The following ADCY9 variants were observed in gnomAD, a reference collection of about 807,000 sequenced individuals.
The protein encoded by ADCY9 is adenylate cyclase type 9.
In ADCY9, 50 loss-of-function variants were observed where a neutral mutation model predicts 101.5. The ratio of observed to expected loss-of-function variants is 0.49; its 90% CI spans 0.39 to 0.62. The LOEUF is 0.62. ADCY9 is among the 20% of genes least tolerant of loss of function. The probability of loss-of-function intolerance (pLI) is 0.00; values close to 1 mark genes in which losing one functional copy is unlikely to be tolerated. For missense variants in ADCY9, 1,662 were observed against 1,800.4 expected (o/e 0.92, Z 1.39); for synonymous variants, 905 against 769.3 (o/e 1.18, Z -2.92).
At chr16:3,970,639 C>T (rs1412106950) in intron 10 of ADCY9, among the ~76,000 whole-genome samples, 1 of 152,176 alleles carries the variant, frequency 6.6e-6, no homozygotes. Context: ...AAAGCTCAGT[C>T]CTTTAATCAA....
chr16:4,091,473 C>A (rs1215181563), intron 2 of ADCY9, among the ~76,000 whole-genome samples: 1 of 152,162 alleles, frequency 6.6e-6, no homozygotes, highest in East Asian at 1.9e-4. Flanking sequence ...CCCCAAAGAA[C>A]TGAGAAAACA....
chr16:4,011,065 C>A (rs2056401095), intron 2 of ADCY9, among the ~76,000 whole-genome samples: 1 of 152,110 alleles, frequency 6.6e-6, no homozygotes, highest in African/African-American at 2.4e-5. Flanking sequence ...TATTGCTTCA[C>A]AAGCAGATGG....
intron 2 of ADCY9, among the ~76,000 whole-genome samples, chr16:4,078,817 A>G (rs1169411327): frequency 6.6e-6 from 1 of 152,210 alleles, no homozygotes; most frequent in Non-Finnish European, 1.5e-5. Flanking sequence ...AGATACTTAC[A>G]TAAATAAAGA....
chr16:3,994,995 G>C (rs1382369019), intron 3 of ADCY9, among the ~76,000 whole-genome samples: 1 of 152,088 alleles, frequency 6.6e-6, no homozygotes, highest in Non-Finnish European at 1.5e-5. Flanking sequence ...TTTAATACAG[G>C]TACCCTAAAA....
chr16:4,028,692 T>C (rs941249234), intron 2 of ADCY9, among the ~76,000 whole-genome samples: 3 of 152,240 alleles, frequency 2.0e-5, no homozygotes, highest in African/African-American at 7.2e-5. Flanking sequence ...TAAAATTGTA[T>C]ACTTTTCACA....
At chr16:4,083,701 G>A (rs1293311060) in intron 2 of ADCY9, among the ~76,000 whole-genome samples, 1 of 152,234 alleles carries the variant, frequency 6.6e-6, no homozygotes, top group Non-Finnish European at 1.5e-5. Flanking sequence ...ACTAATACAT[G>A]CTACACCATG....
Position 4,007,561 on chromosome 16 carries a change from A to G in ADCY9, c.1694-3T>C, listed in dbSNP as rs2141720615. ...CGATATCAGGTATGTCTTCAAACCT[A>G]TGATGGATAAAAGTTACAGTCAGCA... On this transcript the variant is annotated splice_polypyrimidine_tract_variant and splice_region_variant and intron_variant, in intron 2 of 10. Coordinates refer to ENST00000294016, the MANE Select transcript of ADCY9 (RefSeq NM_001116.4). The G allele has an allele frequency of 1.2e-5, 20 of 1,603,154 alleles. No homozygotes were observed. The highest frequency in any genetic ancestry group is 1.7e-5 in the Non-Finnish European group (20 of 1,175,730).
intron 2 of ADCY9, among the ~76,000 whole-genome samples, chr16:4,078,294 G>C (rs1474554945): frequency 1.3e-5 from 2 of 152,150 alleles, no homozygotes; most frequent in African/African-American, 4.8e-5. Context: ...AGGCACAATG[G>C]TTCATGCTTG....
chr16:4,025,608 G>A (rs756542864), intron 2 of ADCY9, among the ~76,000 whole-genome samples: 49 of 152,206 alleles, frequency 3.2e-4, no homozygotes, highest in Non-Finnish European at 5.6e-4. Flanking sequence ...TCTGGCACGA[G>A]GCCTGCCGAG....
intron 8 of ADCY9, among the ~76,000 whole-genome samples, chr16:3,978,330 GC>G (rs58033974): frequency 0.072 from 11,020 of 152,182 alleles, 684 homozygotes; most frequent in East Asian, 0.21. Context: ...AACACCATCA[GC>G]CCGCCCGGAA....
intron 3 of ADCY9, among the ~76,000 whole-genome samples, chr16:3,994,391 G>C (rs2056271056): frequency 6.6e-6 from 1 of 152,174 alleles, no homozygotes; most frequent in African/African-American, 2.4e-5. Context: ...ATTGATCACG[G>C]TGATGGTTGC....
At chr16:4,056,503 C>T (rs999023014) in intron 2 of ADCY9, among the ~76,000 whole-genome samples, 1 of 152,224 alleles carries the variant, frequency 6.6e-6, no homozygotes, top group African/African-American at 2.4e-5. Context: ...ATCCACCCAC[C>T]TCGGCCTCCC....
At position 3,966,326 on chromosome 16, in the gene ADCY9, G is replaced by A. The variant is rs780753391; in HGVS notation, c.3511C>T (p.Pro1171Ser). 9.9e-6 allele frequency: 16 copies of A among 1,614,114 alleles called. No individual in the cohort carries two copies. The highest frequency in any genetic ancestry group is 1.4e-5 in the Non-Finnish European group (16 of 1,180,030). ...GTGCCGATGACCCCGGCCGTGAGGG[G>A]CCCATGGTTGAAGCCGACGCGGAGC... ...FKLRVGFNHGPLTAGVIGTTK... is the reference protein window; with the variant it reads ...FKLRVGFNHGSLTAGVIGTTK... The change falls in exon 11 of 11, where the codon CCC becomes TCC. Residue 1171 changes from proline (P) to serine (S), a missense_variant. By Grantham distance (74) the Pro-to-Ser change is moderately conservative. This residue lies in a region of ADCY9 where 220 missense variants were observed against 312.9 expected (regional missense o/e 0.70). Transcript: ENST00000294016.
At chr16:3,981,404 G>A (rs1291061058) in intron 7 of ADCY9, among the ~76,000 whole-genome samples, 1 of 152,178 alleles carries the variant, frequency 6.6e-6, no homozygotes, top group East Asian at 1.9e-4. Context: ...GAAAACCTGG[G>A]GGTGGACCAG....
chr16:4,095,448 A>C (rs2056997764), intron 2 of ADCY9, among the ~76,000 whole-genome samples: 1 of 152,114 alleles, frequency 6.6e-6, no homozygotes, highest in African/African-American at 2.4e-5. Flanking sequence ...AAGAGCAAGC[A>C]AGTCCTTCCT....
At chr16:3,969,866 G>A (rs2056036041) in intron 10 of ADCY9, among the ~76,000 whole-genome samples, 1 of 150,308 alleles carries the variant, frequency 6.7e-6, no homozygotes, top group Non-Finnish European at 1.5e-5. Flanking sequence ...TTCTGCTTCT[G>A]CCTCCCCAGT....
chr16:3,977,674 G>C, intron 8 of ADCY9, 44 bp from the exon 9 acceptor site: 2 of 1,583,708 alleles, frequency 1.3e-6, no homozygotes, highest in South Asian at 2.2e-5. Flanking sequence ...GGGCCACCCC[G>C]CCACCCCTGC....
chr16:4,093,979 C>T (rs2056988348), intron 2 of ADCY9, among the ~76,000 whole-genome samples: 1 of 152,076 alleles, frequency 6.6e-6, no homozygotes, highest in African/African-American at 2.4e-5. Flanking sequence ...ATGACTGGAG[C>T]TATGAAAGCA....
intron 2 of ADCY9, among the ~76,000 whole-genome samples, chr16:4,090,274 C>T (rs2056965187): frequency 6.6e-6 from 1 of 152,120 alleles, no homozygotes; most frequent in African/African-American, 2.4e-5. Context: ...GACCTTGCCC[C>T]TTCCTTTGCC....
Sources: allele counts gnomAD v4.1 joint callset (sites outside exome capture counted in the v4.1 genomes callset), GRCh38; gene constraint gnomAD v4.1.1; regional missense constraint gnomAD v4.1.1; transcripts MANE v1.5; gene names NCBI Gene and HGNC (gene_info 2026-07-23, HGNC 2026-07-21).